Variants in SLC36A1 observed in about 807,000 individuals in gnomAD.
The protein encoded by SLC36A1 is proton-coupled amino acid transporter 1.
SLC36A1 carries 30 observed loss-of-function variants against 47.5 expected under a neutral mutation model. The observed-to-expected ratio is 0.63, with a 90% CI of 0.47 to 0.86. SLC36A1 has a LOEUF of 0.86. SLC36A1 is among the 40% of genes least tolerant of loss of function. SLC36A1 has a pLI of 0.00. For missense variants in SLC36A1, 517 were observed against 606.0 expected (o/e 0.85, Z 1.54); for synonymous variants, 255 against 249.7 (o/e 1.02, Z -0.20).
the SLC36A1 span, chr5:151,521,545 A>G: frequency 1.2e-6 from 2 of 1,614,196 alleles, no homozygotes; most frequent in Non-Finnish European, 1.7e-6. Context: ...AAAGACCAGG[A>G]GCACATCCAC....
the SLC36A1 span, among the ~76,000 whole-genome samples, chr5:151,406,158 GT>G: frequency 1.3e-5 from 2 of 152,214 alleles, no homozygotes; most frequent in East Asian, 3.8e-4. Flanking sequence ...GGCCCTGGCA[GT>G]TTGCACAGCT....
chr5:151,469,277 T>C lies in SLC36A1; in HGVS notation c.723+1352T>C, dbSNP rs905228258. On this transcript the variant is annotated intron_variant, in intron 7 of 10. Coordinates refer to ENST00000243389, the MANE Select transcript of SLC36A1 (RefSeq NM_078483.4). ...TGAATGGATTTACAGCCCATGTAAGTATATTGAGAAATACATTGAAATATA... is the reference window on the plus strand; with the variant it reads ...TGAATGGATTTACAGCCCATGTAAGCATATTGAGAAATACATTGAAATATA... 3.4e-5 allele frequency: 24 copies of C among 697,602 alleles called. No homozygotes were observed. In the African/African-American group the frequency reaches 3.9e-4, roughly 11 times the overall value. 43.2% of individuals were successfully genotyped at this position (697,602 alleles called of 1,614,324 possible).
chr5:151,386,758 T>G, the SLC36A1 span, among the ~76,000 whole-genome samples: 1 of 152,212 alleles, frequency 6.6e-6, no homozygotes, highest in Non-Finnish European at 1.5e-5. Flanking sequence ...CCCACTGACT[T>G]CAGTCTCAGG....
the SLC36A1 span, among the ~76,000 whole-genome samples, chr5:151,524,799 C>T: frequency 6.6e-5 from 10 of 152,216 alleles, no homozygotes; most frequent in South Asian, 8.3e-4. Context: ...TCATGTTGCT[C>T]TTCCTGCCTG....
chr5:151,347,451 T>C, the SLC36A1 span: 2 of 1,613,996 alleles, frequency 1.2e-6, no homozygotes, highest in Non-Finnish European at 1.7e-6. Context: ...GTACTTTTTG[T>C]CACAGACATG....
At chr5:151,367,361 A>ATATTTTTTTTTTTTTTTTTTT in the SLC36A1 span, among the ~76,000 whole-genome samples, 6 of 118,866 alleles carry the variant, frequency 5.0e-5, no homozygotes, top group African/African-American at 1.4e-4. Context: ...CCAGGAATGC[A>ATATTTTTTTTTTTTTTTTTTT]TTTTTTTTTT....
chr5:151,536,566 TCCA>T, the SLC36A1 span, among the ~76,000 whole-genome samples: 7 of 152,050 alleles, frequency 4.6e-5, no homozygotes, highest in African/African-American at 1.7e-4. Flanking sequence ...CCAAAGGAAG[TCCA>T]CTCCACCAGA....
At chr5:151,485,536 G>A (rs754189228) in intron 10 of SLC36A1, among the ~76,000 whole-genome samples, 6 of 152,104 alleles carry the variant, frequency 3.9e-5, no homozygotes, top group African/African-American at 4.8e-5. Context: ...CCACTGATCC[G>A]CCAGACTCCC....
At chr5:151,529,009 T>C in the SLC36A1 span, among the ~76,000 whole-genome samples, 1 of 152,144 alleles carries the variant, frequency 6.6e-6, no homozygotes, top group African/African-American at 2.4e-5. Flanking sequence ...GGCCGAGCAT[T>C]GTTTGGCCAT....
At chr5:151,505,919 C>A in the SLC36A1 span, 1 of 1,588,554 alleles carries the variant, frequency 6.3e-7, no homozygotes, top group Non-Finnish European at 8.6e-7. Flanking sequence ...GCTTGTTTTC[C>A]ATCTCCAGGG....
the SLC36A1 span, among the ~76,000 whole-genome samples, chr5:151,368,134 A>G: frequency 6.6e-6 from 1 of 152,212 alleles, no homozygotes; most frequent in South Asian, 2.1e-4. Flanking sequence ...AACTGGATTG[A>G]TCATTGACTA....
At chr5:151,362,805 T>C in the SLC36A1 span, among the ~76,000 whole-genome samples, 2 of 152,256 alleles carry the variant, frequency 1.3e-5, no homozygotes, top group African/African-American at 4.8e-5. Flanking sequence ...AATCTCTTTG[T>C]TAAATTTCTC....
At chr5:151,498,715 C>T in the SLC36A1 span, among the ~76,000 whole-genome samples, 2 of 152,246 alleles carry the variant, frequency 1.3e-5, no homozygotes, top group South Asian at 4.1e-4. Flanking sequence ...TGCCCAAATA[C>T]TTAAAATCTC....
upstream of SLC36A1, among the ~76,000 whole-genome samples, chr5:151,443,141 C>T (rs1032517678): frequency 2.0e-5 from 3 of 152,068 alleles, no homozygotes; most frequent in African/African-American, 7.2e-5. Flanking sequence ...TCATTTCCTT[C>T]GAGTATATGT....
At chr5:151,404,741 C>T in the SLC36A1 span, among the ~76,000 whole-genome samples, 3 of 152,188 alleles carry the variant, frequency 2.0e-5, no homozygotes, top group African/African-American at 7.2e-5. Context: ...CCCCTAATTA[C>T]TTCTGGCTTG....
intron 2 of SLC36A1, 34 bp from the exon 3 acceptor site, chr5:151,463,519 T>C: frequency 1.4e-6 from 2 of 1,470,944 alleles, no homozygotes; most frequent in Non-Finnish European, 1.9e-6. Flanking sequence ...TTAACTGTCA[T>C]GGTTATCATT....
chr5:151,522,041 G>C, the SLC36A1 span: 1 of 1,607,766 alleles, frequency 6.2e-7, no homozygotes, highest in Non-Finnish European at 8.5e-7. Context: ...ACATGGACAC[G>C]GACAGACGTC....
chr5:151,453,958 A>G (rs1165203030), intron 1 of SLC36A1, among the ~76,000 whole-genome samples: 1 of 151,930 alleles, frequency 6.6e-6, no homozygotes, highest in East Asian at 1.9e-4. Context: ...CCACCTGCTC[A>G]TTTTTAGTGC....
the SLC36A1 span, among the ~76,000 whole-genome samples, chr5:151,382,779 A>T: frequency 6.6e-6 from 1 of 152,184 alleles, no homozygotes; most frequent in Non-Finnish European, 1.5e-5. Flanking sequence ...TTGGTACCAG[A>T]ATAATTTTGC....
Sources: gnomAD v4.1 joint callset for allele counts (sites outside exome capture counted in the v4.1 genomes callset) on GRCh38, gnomAD v4.1.1 for gene constraint, MANE v1.5 for transcripts, NCBI Gene and HGNC (gene_info 2026-07-23, HGNC 2026-07-21) for gene names.